NAV3: variants seen among roughly 807,000 people sequenced by gnomAD.
NAV3 encodes pore membrane and/or filament interacting like protein 1.
A neutral mutation model predicts 244.7 loss-of-function variants in NAV3; 87 were observed. The ratio of observed to expected loss-of-function variants is 0.36; its 90% CI spans 0.30 to 0.42. NAV3 has a LOEUF of 0.42. NAV3 is among the 20% of genes least tolerant of loss of function. NAV3 has a pLI of 1.00. For missense variants in NAV3, 2,663 were observed against 2,893.3 expected (o/e 0.92, Z 1.83); for synonymous variants, 1,126 against 1,042.2 (o/e 1.08, Z -1.55).
chr12:77,811,358 G>C (rs936506015), intron 2 of NAV3, among the ~76,000 whole-genome samples: 1 of 152,104 alleles, frequency 6.6e-6, no homozygotes, highest in African/African-American at 2.4e-5. Flanking sequence ...CTAATTATAG[G>C]ACTTAATAGT....
intron 39 of NAV3, among the ~76,000 whole-genome samples, chr12:78,209,462 T>C (rs1960673494): frequency 6.6e-6 from 1 of 152,004 alleles, no homozygotes; most frequent in Admixed American, 6.6e-5. Flanking sequence ...TCCACTACCC[T>C]TGTAAAGACA....
chr12:77,769,339 T>C (rs1176569788), intron 2 of NAV3, among the ~76,000 whole-genome samples: 2 of 152,212 alleles, frequency 1.3e-5, no homozygotes, highest in Non-Finnish European at 2.9e-5. Context: ...ACCTTAGACA[T>C]ATGTAAAATG....
upstream of NAV3, among the ~76,000 whole-genome samples, chr12:77,826,478 C>A (rs976145332): frequency 6.6e-6 from 1 of 152,054 alleles, no homozygotes; most frequent in African/African-American, 2.4e-5. Context: ...GGTGACAGAG[C>A]GTGACTCTGT....
chr12:77,718,444 T>C (rs867724254), intron 2 of NAV3, among the ~76,000 whole-genome samples: 15 of 152,162 alleles, frequency 9.9e-5, no homozygotes, highest in South Asian at 8.3e-4. Context: ...ATACTGGTCC[T>C]TATGTCAGTG....
intron 12 of NAV3, among the ~76,000 whole-genome samples, chr12:78,099,795 C>A (rs988331654): frequency 3.3e-5 from 5 of 151,566 alleles, no homozygotes; most frequent in Non-Finnish European, 7.4e-5. Flanking sequence ...TGATTTCAGC[C>A]CATTTAAAAA....
At chr12:78,074,729 T>C (rs770154427) in intron 12 of NAV3, among the ~76,000 whole-genome samples, 1 of 151,974 alleles carries the variant, frequency 6.6e-6, no homozygotes, top group Non-Finnish European at 1.5e-5. Context: ...AATGAAGATA[T>C]GAAGATATGA....
chr12:77,998,280 G>C, intron 6 of NAV3, 57 bp from the exon 7 acceptor site: 5 of 1,335,298 alleles, frequency 3.7e-6, no homozygotes, highest in Non-Finnish European at 4.0e-6. Context: ...AGCACCTCCT[G>C]CTTCTTACCT....
At chr12:77,869,177 A>T (rs947248075) in intron 1 of NAV3, among the ~76,000 whole-genome samples, 1 of 152,140 alleles carries the variant, frequency 6.6e-6, no homozygotes, top group Non-Finnish European at 1.5e-5. Context: ...TTCAGTTCTT[A>T]GATTTACCTC....
intron 7 of NAV3, among the ~76,000 whole-genome samples, chr12:78,003,844 G>T (rs1216749116): frequency 2.0e-5 from 3 of 152,218 alleles, no homozygotes; most frequent in Non-Finnish European, 4.4e-5. Context: ...CATCAACTCA[G>T]AGGAACAGGT....
At chr12:78,060,095 C>T (rs570209564) in intron 12 of NAV3, among the ~76,000 whole-genome samples, 291 of 152,074 alleles carry the variant, frequency 1.9e-3, no homozygotes, top group African/African-American at 6.7e-3. Flanking sequence ...ATATACATTT[C>T]TGGCCTGATT....
At chr12:78,115,668 C>A (rs1029614716) in intron 12 of NAV3, among the ~76,000 whole-genome samples, 2 of 152,146 alleles carry the variant, frequency 1.3e-5, no homozygotes, top group African/African-American at 4.8e-5. Flanking sequence ...ATTATAATAA[C>A]ATATTTTTCC....
chr12:78,041,941 C>T (rs1880935920), intron 9 of NAV3, among the ~76,000 whole-genome samples: 1 of 151,906 alleles, frequency 6.6e-6, no homozygotes, highest in Non-Finnish European at 1.5e-5. Context: ...TTTTTGTTCC[C>T]TTTCTTTTTC....
intron 2 of NAV3, among the ~76,000 whole-genome samples, chr12:77,630,604 T>A (rs965827761): frequency 6.6e-6 from 1 of 152,148 alleles, no homozygotes; most frequent in Non-Finnish European, 1.5e-5. Flanking sequence ...TATAACTGGC[T>A]GTGTGAAATG....
At chr12:77,736,516 CTT>C (rs1242190402) in intron 2 of NAV3, among the ~76,000 whole-genome samples, 6 of 152,170 alleles carry the variant, frequency 3.9e-5, no homozygotes, top group Non-Finnish European at 7.4e-5. Context: ...TGGCTTCTCT[CTT>C]TGCCCTGCGA....
At chr12:78,127,767 T>C (rs1395697682) in intron 17 of NAV3, among the ~76,000 whole-genome samples, 3 of 152,206 alleles carry the variant, frequency 2.0e-5, no homozygotes, top group Non-Finnish European at 2.9e-5. Flanking sequence ...TAGAATCCTT[T>C]TGATAAAATC....
chr12:77,588,075 T>C (rs1025002886), intron 2 of NAV3, among the ~76,000 whole-genome samples: 3 of 152,208 alleles, frequency 2.0e-5, no homozygotes, highest in African/African-American at 7.2e-5. Flanking sequence ...CATTCCCAAA[T>C]TTAACATACT....
chr12:77,848,861 C>A (rs1478151225), intron 1 of NAV3, among the ~76,000 whole-genome samples: 1 of 152,042 alleles, frequency 6.6e-6, no homozygotes, highest in Non-Finnish European at 1.5e-5. Context: ...AGAGAAATCT[C>A]CTAATGAGGA....
At chr12:77,599,650 A>G (rs1425124239) in intron 2 of NAV3, among the ~76,000 whole-genome samples, 2 of 151,642 alleles carry the variant, frequency 1.3e-5, no homozygotes, top group African/African-American at 4.8e-5. Flanking sequence ...GTGTTCAAGT[A>G]TTTTCAAACC....
At chr12:77,693,942 A>G (rs1384142385) in intron 2 of NAV3, among the ~76,000 whole-genome samples, 2 of 152,152 alleles carry the variant, frequency 1.3e-5, no homozygotes, top group African/African-American at 4.8e-5. Context: ...AGGATATAAA[A>G]TAAATACTTA....
Sources: gnomAD v4.1 joint callset for allele counts (sites outside exome capture counted in the v4.1 genomes callset) on GRCh38, gnomAD v4.1.1 for gene constraint, MANE v1.5 for transcripts, NCBI Gene and HGNC (gene_info 2026-07-23, HGNC 2026-07-21) for gene names.